The following BIRC6 variants were observed in gnomAD, a reference collection of about 807,000 sequenced individuals.
BIRC6 encodes baculoviral IAP repeat containing 6.
BIRC6 carries 98 observed loss-of-function variants against 503.3 expected under a neutral mutation model. The observed-to-expected ratio is 0.19, with a 90% CI of 0.17 to 0.23. The LOEUF is 0.23. Among genes scored for constraint, BIRC6 ranks in the 10% least tolerant of loss-of-function variants. BIRC6 has a pLI of 1.00. For synonymous variants in BIRC6, 2,240 were observed against 2,078.7 expected (o/e 1.08, Z -2.11); for missense variants, 5,360 against 5,806.0 (o/e 0.92, Z 2.50).
chr2:32,602,644 C>A, intron 70 of BIRC6: 1 of 178,632 alleles, frequency 5.6e-6, no homozygotes, highest in Non-Finnish European at 1.2e-5. Context: ...CTATTTTGAT[C>A]ATTACACATT....
intron 22 of BIRC6, among the ~76,000 whole-genome samples, chr2:32,451,076 C>T (rs1233208805): frequency 1.3e-5 from 2 of 152,200 alleles, no homozygotes; most frequent in South Asian, 2.1e-4. Flanking sequence ...ACCCATACTA[C>T]AATCATAGCT....
At chr2:32,509,530 G>A in intron 51 of BIRC6, 1 of 583,254 alleles carries the variant, frequency 1.7e-6, no homozygotes, top group Non-Finnish European at 2.9e-6. Flanking sequence ...TGAGATTACA[G>A]GTGTTAGCCA....
At chr2:32,472,320 C>T (rs761303148) in intron 32 of BIRC6, among the ~76,000 whole-genome samples, 2 of 152,254 alleles carry the variant, frequency 1.3e-5, no homozygotes, top group African/African-American at 2.4e-5. Context: ...CCACCCGCCT[C>T]GGCCTCCCAG....
Position 32,549,448 on chromosome 2 carries a change from C to A in BIRC6, c.13111C>A (p.Pro4371Thr). The change falls in exon 65 of 74, where the codon CCA (proline) becomes ACA (threonine). Residue 4371 changes from proline (P) to threonine (T), a missense_variant. By Grantham distance (38) the Pro-to-Thr change is conservative (BLOSUM62 -1). Coordinates refer to ENST00000421745, the MANE Select transcript of BIRC6 (RefSeq NM_016252.4). ...GCTTCTCAGTCAGTCCTGCCTCATC[C>A]CAGCCATGTCATCTTATCTACGAAA... ...LELLSQSCLI[P>T]AMSSYLRNDS... is the part of the protein sequence containing the mutation. 1 of 1,465,150 alleles carries A rather than the reference C, an allele frequency of 6.8e-7. No homozygotes were observed. The highest frequency in any genetic ancestry group is 9.2e-7 in the Non-Finnish European group (1 of 1,085,936). 90.8% of individuals were successfully genotyped at this position (1,465,150 alleles called of 1,614,324 possible).
chr2:32,522,977 T>A (rs2055894702), intron 57 of BIRC6: 1 of 152,220 alleles, frequency 6.6e-6, no homozygotes, highest in Non-Finnish European at 1.5e-5. Context: ...GCCTAGGAAT[T>A]CTTTTCCAGA....
rs149752049 is a variant in BIRC6, at chr2:32,456,455, G to A, written c.4753+2513G>A. On this transcript the variant is annotated intron_variant, in intron 23 of 73. Coordinates refer to ENST00000421745, the MANE Select transcript of BIRC6 (RefSeq NM_016252.4). ...TAGACATTTGAGTTGTTTCATTGTG[G>A]AGCTAATAGTACTGATGGATATATT... Among the ~76,000 whole-genome samples the A allele has an allele frequency of 1.4e-3, 217 of 152,306 alleles. 2 individuals carry two copies. Among genetic ancestry groups the A allele is most frequent in the African/African-American group, 5.0e-3 (206 of 41,566 alleles).
chr2:32,499,664 G>A lies in BIRC6; in HGVS notation c.8586G>A (p.Ser2862=), dbSNP rs751536369. Residue 2862 remains serine, a synonymous_variant, in exon 46 of 74, where the codon TCG becomes TCA. Transcript: ENST00000421745. ...GTACTATTTCTGCCGTGATAGAATC[G>A]GTTACATTTTTAGTGCACCACTATA... ...SVSTISAVIE[S]VTFLVHHYIT... 1.3e-5 allele frequency: 21 copies of A among 1,613,684 alleles called. No homozygotes were observed. Among genetic ancestry groups the A allele is most frequent in the South Asian group, 3.3e-5 (3 of 91,074 alleles).
chr2:32,544,180 C>G (rs1432408435), intron 62 of BIRC6, among the ~76,000 whole-genome samples: 1 of 152,052 alleles, frequency 6.6e-6, no homozygotes, highest in Non-Finnish European at 1.5e-5. Context: ...AAAAAACGTA[C>G]TAAAAACTTT....
intron 8 of BIRC6, among the ~76,000 whole-genome samples, chr2:32,405,120 G>C (rs915632587): frequency 6.6e-6 from 1 of 152,020 alleles, no homozygotes; most frequent in Non-Finnish European, 1.5e-5. Context: ...GTTAATACTT[G>C]GTTATTTATT....
chr2:32,390,153 C>T (rs2149535922), intron 4 of BIRC6, among the ~76,000 whole-genome samples: 1 of 151,634 alleles, frequency 6.6e-6, no homozygotes, highest in South Asian at 2.1e-4. Flanking sequence ...AGCCATGGCA[C>T]CCAGCCAAAT....
chr2:32,554,504 T>C (rs1422795980), intron 65 of BIRC6, among the ~76,000 whole-genome samples: 1 of 152,160 alleles, frequency 6.6e-6, no homozygotes, highest in African/African-American at 2.4e-5. Flanking sequence ...GAGTAAGTGA[T>C]GTGTTAGAGT....
chr2:32,528,275 G>A, intron 59 of BIRC6: 1 of 152,088 alleles, frequency 6.6e-6, no homozygotes. Flanking sequence ...CCAGGCTGGA[G>A]TGCAATGGCG....
rs557605268 is a variant in BIRC6, at chr2:32,393,379, GATGTAAT to G, written c.951+1234_951+1240del. On this transcript the variant is annotated intron_variant, in intron 5 of 73. Transcript: ENST00000421745. ...AAGTTAAGAAAAATGATTTTAGCTA[GATGTAAT>G]ATGTTATTTAATAGGAAACTTAAAC... is the stretch of plus-strand genomic sequence containing the variant. 5.2e-3 allele frequency among the ~76,000 whole-genome samples: 794 copies of G among 152,262 alleles called. 8 individuals are homozygous for G. Among genetic ancestry groups the G allele is most frequent in the Middle Eastern group, 0.017 (5 of 294 alleles).
chr2:32,499,992 A>G lies in BIRC6; in HGVS notation c.8914A>G (p.Ser2972Gly). The change falls in exon 46 of 74, where the codon AGT (serine) becomes GGT (glycine). Residue 2972 changes from serine to glycine, a missense_variant. Coordinates refer to ENST00000421745, the MANE Select transcript of BIRC6 (RefSeq NM_016252.4). ...CAAAGATGGCAATGGAAGCAGTACC[A>G]GTGTTCAAGGATCGCCTGCATATGT... is the stretch of plus-strand genomic sequence containing the variant. ...GGKDGNGSST[S>G]VQGSPAYVAD... is the part of the protein sequence containing the mutation. 6.2e-7 allele frequency: 1 copy of G among 1,614,040 alleles called. No homozygotes were observed. Among genetic ancestry groups the G allele is most frequent in the Non-Finnish European group, 8.5e-7 (1 of 1,179,890 alleles).
intron 53 of BIRC6, among the ~76,000 whole-genome samples, chr2:32,512,053 C>T (rs1211083981): frequency 2.0e-5 from 3 of 152,012 alleles, no homozygotes. Context: ...AATTCATTTT[C>T]TCTGCATAGT....
At chr2:32,375,877 A>G (rs911968235) in intron 1 of BIRC6, among the ~76,000 whole-genome samples, 2 of 151,744 alleles carry the variant, frequency 1.3e-5, no homozygotes, top group Non-Finnish European at 2.9e-5. Flanking sequence ...ATGGTATTGC[A>G]CTAAACCCGA....
At chr2:32,557,621 G>C (rs1455309435) in intron 65 of BIRC6, 1 of 152,188 alleles carries the variant, frequency 6.6e-6, no homozygotes, top group African/African-American at 2.4e-5. Flanking sequence ...ATATTCTGGA[G>C]GTGTGCTTTT....
At chr2:32,506,318 T>C (rs1010715948) in intron 50 of BIRC6, among the ~76,000 whole-genome samples, 1 of 152,216 alleles carries the variant, frequency 6.6e-6, no homozygotes, top group African/African-American at 2.4e-5. Context: ...CCTGGCATCT[T>C]TGGAGAAAAC....
chr2:32,476,870 T>A (rs992070941), intron 34 of BIRC6, among the ~76,000 whole-genome samples: 11 of 152,184 alleles, frequency 7.2e-5, no homozygotes, highest in African/African-American at 2.7e-4. Flanking sequence ...GATTTGTAAG[T>A]TTTAAAACCT....
Sources: allele counts gnomAD v4.1 joint callset (sites outside exome capture counted in the v4.1 genomes callset), GRCh38; gene constraint gnomAD v4.1.1; transcripts MANE v1.5; gene names NCBI Gene and HGNC (gene_info 2026-07-23, HGNC 2026-07-21).